The following ANKS1B variants were observed in gnomAD, a reference collection of about 807,000 sequenced individuals.
The protein encoded by ANKS1B is ankyrin repeat and sterile alpha motif domain containing 1B.
A neutral mutation model predicts 148.3 loss-of-function variants in ANKS1B; 36 were observed. The ratio of observed to expected loss-of-function variants is 0.24; its 90% CI spans 0.19 to 0.32. The LOEUF (loss-of-function observed/expected upper bound fraction) is 0.32. ANKS1B is among the 10% of genes least tolerant of loss of function. The pLI is 1.00. For synonymous variants in ANKS1B, 542 were observed against 560.8 expected (o/e 0.97, Z 0.47); for missense variants, 1,157 against 1,542.6 (o/e 0.75, Z 4.19).
intron 17 of ANKS1B, among the ~76,000 whole-genome samples, chr12:98,924,486 T>A (rs901811057): frequency 6.6e-6 from 1 of 152,204 alleles, no homozygotes; most frequent in Non-Finnish European, 1.5e-5. Context: ...CCTTTGTGGA[T>A]TTGACTTTAG....
chr12:99,872,792 G>GATTATAA (rs1565901558), intron 1 of ANKS1B, among the ~76,000 whole-genome samples: 9 of 152,112 alleles, frequency 5.9e-5, no homozygotes, highest in Middle Eastern at 3.4e-3. Flanking sequence ...TAATCTATAT[G>GATTATAA]TTAGGTTTAC....
intron 2 of ANKS1B, among the ~76,000 whole-genome samples, chr12:99,821,946 G>T (rs2082560642): frequency 6.6e-6 from 1 of 151,866 alleles, no homozygotes. Context: ...AGAAGATATG[G>T]CAAAATATTT....
intron 14 of ANKS1B, among the ~76,000 whole-genome samples, chr12:99,219,039 G>C (rs992270345): frequency 6.6e-6 from 1 of 152,176 alleles, no homozygotes; most frequent in African/African-American, 2.4e-5. Flanking sequence ...ATGTGGAGGT[G>C]TCCTGAGAGA....
At chr12:99,618,864 C>T (rs535979496) in intron 9 of ANKS1B, among the ~76,000 whole-genome samples, 20 of 152,144 alleles carry the variant, frequency 1.3e-4, no homozygotes, top group Admixed American at 7.2e-4. Context: ...AGTCTCAGGC[C>T]GGAGATTGGA....
chr12:99,426,703 T>C (rs190906361), intron 11 of ANKS1B, among the ~76,000 whole-genome samples: 2 of 152,310 alleles, frequency 1.3e-5, no homozygotes, highest in East Asian at 3.9e-4. Flanking sequence ...AAAATACACA[T>C]ATAAAATTAT....
intron 10 of ANKS1B, among the ~76,000 whole-genome samples, chr12:99,465,121 G>C (rs1221020996): frequency 1.3e-5 from 2 of 152,214 alleles, no homozygotes; most frequent in African/African-American, 2.4e-5. Context: ...AGCCAGAAGA[G>C]AGTGGGGGCC....
chr12:98,769,165 CTTTTTTT>C (rs1182264550), intron 25 of ANKS1B, among the ~76,000 whole-genome samples: 927 of 41,226 alleles, frequency 0.022, 3 homozygotes, highest in South Asian at 0.079. Context: ...GTCTTCTTTA[CTTTTTTT>C]TTTTTTTTTT....
At chr12:99,167,563 T>A (rs919189080) in intron 14 of ANKS1B, among the ~76,000 whole-genome samples, 1 of 152,142 alleles carries the variant, frequency 6.6e-6, no homozygotes, top group Non-Finnish European at 1.5e-5. Flanking sequence ...CATTGCCAAA[T>A]GATGCGAATT....
At chr12:99,972,921 G>A (rs1196261576) in intron 1 of ANKS1B, among the ~76,000 whole-genome samples, 1 of 152,096 alleles carries the variant, frequency 6.6e-6, no homozygotes, top group Non-Finnish European at 1.5e-5. Context: ...AAAATCCTAG[G>A]GCCCTTAAAA....
chr12:98,934,082 C>T (rs868738879), intron 17 of ANKS1B, among the ~76,000 whole-genome samples: 5 of 152,130 alleles, frequency 3.3e-5, no homozygotes, highest in Middle Eastern at 3.4e-3. Context: ...ATGGCCAAGA[C>T]GACTGTCAAG....
chr12:99,434,774 T>G (rs1345890471), intron 11 of ANKS1B, among the ~76,000 whole-genome samples: 43 of 152,030 alleles, frequency 2.8e-4, no homozygotes, highest in Non-Finnish European at 1.5e-5. Context: ...TACATGTGCA[T>G]CTATGCTTTC....
intron 25 of ANKS1B, among the ~76,000 whole-genome samples, chr12:98,755,440 G>A (rs983138492): frequency 6.6e-6 from 1 of 152,210 alleles, no homozygotes; most frequent in African/African-American, 2.4e-5. Context: ...CCCTGCAACT[G>A]TGGGGAGGCC....
intron 14 of ANKS1B, among the ~76,000 whole-genome samples, chr12:99,199,724 AAG>A (rs995199830): frequency 1.3e-5 from 2 of 152,162 alleles, no homozygotes; most frequent in South Asian, 2.1e-4. Flanking sequence ...CTGACAGAAA[AAG>A]AGAGAGAGAT....
At chr12:99,589,267 C>G (rs574263081) in intron 9 of ANKS1B, among the ~76,000 whole-genome samples, 6 of 152,302 alleles carry the variant, frequency 3.9e-5, no homozygotes, top group African/African-American at 1.2e-4. Context: ...CACCACGTTA[C>G]TACTTTGAGT....
chr12:98,944,660 C>T (rs2099842359), intron 17 of ANKS1B, among the ~76,000 whole-genome samples: 1 of 152,150 alleles, frequency 6.6e-6, no homozygotes, highest in Non-Finnish European at 1.5e-5. Context: ...CTGTCTGTCC[C>T]CTCACTGCCC....
At chr12:99,183,594 G>T (rs944437236) in intron 14 of ANKS1B, among the ~76,000 whole-genome samples, 1 of 152,192 alleles carries the variant, frequency 6.6e-6, no homozygotes, top group Admixed American at 6.5e-5. Flanking sequence ...AGTGAGCTGA[G>T]ATCGTGTCAC....
rs1045032764 is a variant in ANKS1B, at chr12:99,891,084, T to C, written c.135-65695A>G. Among the ~76,000 whole-genome samples, 4 of 152,252 alleles carry C rather than the reference T, an allele frequency of 2.6e-5. No individual in the cohort carries two copies. The East Asian group carries it at 7.7e-4, about 29-fold the overall frequency. ...CTCCTTTAAAGAAGCATAATGTTTT[T>C]GAAGTTTATTCATTTTGTAGCGTGC... is the stretch of plus-strand genomic sequence containing the variant. On this transcript the variant is annotated intron_variant, in intron 1 of 26. Transcript: ENST00000683438.
Position 98,751,347 on chromosome 12 carries a change from C to T in ANKS1B, c.3747+8G>A, listed in dbSNP as rs139586088. 2.9e-4 allele frequency: 475 copies of T among 1,613,214 alleles called. 1 individual carries two copies. The African/African-American group carries it at 5.1e-3, about 17-fold the overall frequency. On this transcript the variant is annotated splice_region_variant and intron_variant, in intron 26 of 26. Coordinates refer to ENST00000683438, the MANE Select transcript of ANKS1B (RefSeq NM_001352186.2). This position sits in a 1 kb window ranked among gnomAD's most constrained non-coding sequence, Gnocchi z 4.3. ...GTTTTTTAGAACATCTGTATCGTTT[C>T]TACTTACCACGGACTTGCGAATGCT...
chr12:99,580,541 C>T (rs1280465392), intron 9 of ANKS1B, among the ~76,000 whole-genome samples: 1 of 151,764 alleles, frequency 6.6e-6, no homozygotes, highest in Non-Finnish European at 1.5e-5. Flanking sequence ...TATGTTGGAG[C>T]TAATAAAAAT....
Sources: allele counts gnomAD v4.1 joint callset (sites outside exome capture counted in the v4.1 genomes callset), GRCh38; gene constraint gnomAD v4.1.1; non-coding constraint Gnocchi (gnomAD v3.1); transcripts MANE v1.5; gene names NCBI Gene and HGNC (gene_info 2026-07-23, HGNC 2026-07-21).